RORA: variants seen among roughly 807,000 people sequenced by gnomAD.
RORA encodes RAR related orphan receptor A, also known as nuclear receptor ROR-alpha.
Under a neutral mutation model 69.5 loss-of-function variants are expected in RORA, and 7 were observed. That is an observed-to-expected ratio of 0.10 (90% CI 0.06 to 0.19). RORA has a LOEUF of 0.19. RORA is among the 10% of genes least tolerant of loss of function. The pLI, the probability that RORA is intolerant of heterozygous loss-of-function variation, is 1.00. For missense variants in RORA, 457 were observed against 663.0 expected (o/e 0.69, Z 3.41); for synonymous variants, 261 against 240.8 (o/e 1.08, Z -0.78).
intron 1 of RORA, among the ~76,000 whole-genome samples, chr15:60,710,455 T>TGGAGTGCCCAGCACTCCAGTGCAATTGC (rs2071127764): frequency 6.6e-6 from 1 of 152,024 alleles, no homozygotes; most frequent in Non-Finnish European, 1.5e-5. Flanking sequence ...GCCATTGCAC[T>TGGAGTGCCCAGCACTCCAGTGCAATTGC]CCAGCCTGGG....
intron 1 of RORA, among the ~76,000 whole-genome samples, chr15:61,029,477 C>A (rs180997515): frequency 7.3e-4 from 111 of 152,164 alleles, no homozygotes; most frequent in African/African-American, 2.2e-3. Context: ...GGAAAGGACA[C>A]AATGGAATTT....
At chr15:60,743,034 T>G in intron 1 of RORA, among the ~76,000 whole-genome samples, 1 of 149,852 alleles carries the variant, frequency 6.7e-6, no homozygotes, top group Non-Finnish European at 1.5e-5. Flanking sequence ...TTTTTTTTTT[T>G]TTTTTAGTCT....
chr15:60,879,025 C>G (rs341386), intron 1 of RORA, among the ~76,000 whole-genome samples: 15,801 of 152,228 alleles, frequency 0.1, 1,957 homozygotes, highest in African/African-American at 0.31. Context: ...GACCTTTCTA[C>G]TTCTTGGAGT....
chr15:60,610,565 G>A (rs2069062499), intron 2 of RORA, among the ~76,000 whole-genome samples: 1 of 152,146 alleles, frequency 6.6e-6, no homozygotes, highest in African/African-American at 2.4e-5. Context: ...TCGACAATAA[G>A]TGAGATGAAA....
At chr15:60,666,889 A>G (rs2070390232) in intron 2 of RORA, among the ~76,000 whole-genome samples, 1 of 152,228 alleles carries the variant, frequency 6.6e-6, no homozygotes, top group Admixed American at 6.5e-5. Context: ...CTCAGGTGAC[A>G]GAAAACCTTA....
chr15:60,823,186 C>T (rs2072917055), intron 1 of RORA, among the ~76,000 whole-genome samples: 1 of 150,580 alleles, frequency 6.6e-6, no homozygotes, highest in Non-Finnish European at 1.5e-5. Flanking sequence ...CCTCCTCTTC[C>T]TTCCTTCCTC....
At chr15:60,872,993 A>T (rs1469070908) in intron 1 of RORA, among the ~76,000 whole-genome samples, 1 of 151,872 alleles carries the variant, frequency 6.6e-6, no homozygotes, top group Non-Finnish European at 1.5e-5. Flanking sequence ...TCCTTTATTT[A>T]TGGGCTCCCT....
intron 1 of RORA, among the ~76,000 whole-genome samples, chr15:61,120,253 C>T (rs1198527685): frequency 1.3e-5 from 2 of 152,114 alleles, no homozygotes; most frequent in Non-Finnish European, 2.9e-5. Flanking sequence ...TGGCTTAAAT[C>T]ACACCTCAAT....
chr15:60,755,427 T>A (rs963711961), intron 1 of RORA, among the ~76,000 whole-genome samples: 12 of 152,048 alleles, frequency 7.9e-5, no homozygotes, highest in African/African-American at 2.9e-4. Context: ...CTATTGTGAA[T>A]AGTGCCGCAA....
intron 1 of RORA, among the ~76,000 whole-genome samples, chr15:60,745,748 T>A (rs562883832): frequency 6.6e-6 from 1 of 152,288 alleles, no homozygotes; most frequent in Admixed American, 6.5e-5. Context: ...ACAGAACAGG[T>A]CAGTGTGTTC....
chr15:60,707,334 T>TTTTATTTATTTA (rs35301219), intron 1 of RORA, among the ~76,000 whole-genome samples: 1,709 of 136,098 alleles, frequency 0.013, 8 homozygotes, highest in East Asian at 0.021. Context: ...TATTTCTTTA[T>TTTTATTTATTTA]TTTATTTATT....
intron 1 of RORA, among the ~76,000 whole-genome samples, chr15:60,797,087 T>C (rs2072509757): frequency 6.7e-6 from 1 of 148,856 alleles, no homozygotes; most frequent in South Asian, 2.1e-4. Flanking sequence ...TTATTATTAT[T>C]ATTTCTGCAC....
At chr15:61,024,270 C>CT (rs34008494) in intron 1 of RORA, among the ~76,000 whole-genome samples, 9,066 of 79,412 alleles carry the variant, frequency 0.11, 1,239 homozygotes, top group African/African-American at 0.23. Context: ...TCTTGGATCT[C>CT]TTTTTTTTTT....
At chr15:60,885,183 G>A (rs546320569) in intron 1 of RORA, among the ~76,000 whole-genome samples, 1 of 152,324 alleles carries the variant, frequency 6.6e-6, no homozygotes, top group South Asian at 2.1e-4. Flanking sequence ...TGGAAGTGAT[G>A]CCATGCCCAT....
chr15:61,046,442 G>A (rs750062662), intron 1 of RORA, among the ~76,000 whole-genome samples: 3 of 152,134 alleles, frequency 2.0e-5, no homozygotes, highest in Non-Finnish European at 2.9e-5. Flanking sequence ...CTCTCACAAA[G>A]GGGAAGGTGG....
intron 1 of RORA, among the ~76,000 whole-genome samples, chr15:61,009,533 T>C: frequency 6.6e-6 from 1 of 152,250 alleles, no homozygotes; most frequent in East Asian, 1.9e-4. Flanking sequence ...TATTTATACC[T>C]ATAAGGTCAA....
At position 60,695,906 on chromosome 15, in the gene RORA, G is replaced by C. The variant is rs537439212; in HGVS notation, c.167-17220C>G. ...CAGTCAGGAGCATCAGTCGCAGAATGAATCAGCCTCAGCCGGCAAGTAATG... is the reference window on the plus strand; with the variant it reads ...CAGTCAGGAGCATCAGTCGCAGAATCAATCAGCCTCAGCCGGCAAGTAATG... On this transcript the variant is annotated intron_variant, in intron 1 of 10. Coordinates refer to ENST00000335670, the MANE Select transcript of RORA (RefSeq NM_134261.3). Among the ~76,000 whole-genome samples, 12 of 152,216 alleles carry C rather than the reference G, an allele frequency of 7.9e-5. No homozygotes were observed. The South Asian group carries it at 2.5e-3, about 32-fold the overall frequency.
intron 1 of RORA, among the ~76,000 whole-genome samples, chr15:60,919,582 G>A (rs1032576344): frequency 6.6e-6 from 1 of 152,056 alleles, no homozygotes; most frequent in Non-Finnish European, 1.5e-5. Context: ...ACCTGATTAC[G>A]GCACCTATAC....
intron 1 of RORA, among the ~76,000 whole-genome samples, chr15:60,732,663 C>T (rs547359641): frequency 2.0e-5 from 3 of 152,154 alleles, no homozygotes; most frequent in African/African-American, 4.8e-5. Flanking sequence ...CTTAATCACT[C>T]GTACATATCC....
Sources: gnomAD v4.1 joint callset for allele counts (sites outside exome capture counted in the v4.1 genomes callset) on GRCh38, gnomAD v4.1.1 for gene constraint, MANE v1.5 for transcripts, NCBI Gene and HGNC (gene_info 2026-07-23, HGNC 2026-07-21) for gene names.